Variants in DNAJC7 observed in about 807,000 individuals in gnomAD.
DNAJC7 encodes the protein dnaJ homolog subfamily C member 7.
In DNAJC7, 18 loss-of-function variants were observed where a neutral mutation model predicts 67.4. That is an observed-to-expected ratio of 0.27 (90% CI 0.18 to 0.40). The LOEUF is 0.40. Among genes scored for constraint, DNAJC7 ranks in the 10% least tolerant of loss-of-function variants. The pLI is 1.00. For missense variants in DNAJC7, 419 were observed against 613.8 expected (o/e 0.68, Z 3.35); for synonymous variants, 220 against 207.8 (o/e 1.06, Z -0.50).
intron 1 of DNAJC7, among the ~76,000 whole-genome samples, chr17:42,004,172 C>A: frequency 6.6e-6 from 1 of 151,994 alleles, no homozygotes; most frequent in Non-Finnish European, 1.5e-5. Flanking sequence ...CCAGACTGGT[C>A]TCAAACTCCT....
chr17:41,981,377 G>A (rs2051246437), intron 12 of DNAJC7, among the ~76,000 whole-genome samples: 1 of 152,096 alleles, frequency 6.6e-6, no homozygotes, highest in Admixed American at 6.6e-5. Context: ...CTGTATTTTA[G>A]TAGAGACGAG....
chr17:41,999,042 T>TA (rs549481253), intron 2 of DNAJC7, among the ~76,000 whole-genome samples: 272 of 148,030 alleles, frequency 1.8e-3, no homozygotes, highest in Middle Eastern at 0.014. Flanking sequence ...TTTAAAGAGT[T>TA]AAAAAAAAAG....
chr17:42,011,718 GA>G (rs2052122741), intron 1 of DNAJC7: 1 of 152,190 alleles, frequency 6.6e-6, no homozygotes, highest in African/African-American at 2.4e-5. Context: ...GAGGCTTACT[GA>G]AATGTCTAGG....
At chr17:42,016,262 T>G (rs2052282814) in intron 1 of DNAJC7, 2 of 152,154 alleles carry the variant, frequency 1.3e-5, no homozygotes, top group South Asian at 4.1e-4. Flanking sequence ...CATTAGATAG[T>G]AAAAATCTCA....
chr17:41,989,582 T>G, intron 6 of DNAJC7, 25 bp from the exon 7 acceptor site: 1 of 1,612,056 alleles, frequency 6.2e-7, no homozygotes, highest in East Asian at 2.2e-5. Context: ...AAAGGGCACA[T>G]TGAGCTGTGC....
chr17:41,981,204 T>C (rs1056453484), intron 12 of DNAJC7, among the ~76,000 whole-genome samples: 5 of 152,030 alleles, frequency 3.3e-5, no homozygotes, highest in Non-Finnish European at 7.4e-5. Context: ...TTCTTATTAT[T>C]TTTTTTAATT....
chr17:41,988,655 T>C (rs1425721065), intron 8 of DNAJC7, 77 bp downstream of exon 8: 2 of 1,471,120 alleles, frequency 1.4e-6, no homozygotes, highest in Non-Finnish European at 1.8e-6. Context: ...TTACCCTCAC[T>C]AGGCAGATTT....
intron 2 of DNAJC7, among the ~76,000 whole-genome samples, chr17:41,997,704 A>G (rs2051699151): frequency 6.6e-6 from 1 of 152,178 alleles, no homozygotes; most frequent in East Asian, 1.9e-4. Context: ...TCATGGAGAC[A>G]GGGTCTCACT....
At position 41,990,248 on chromosome 17, in the gene DNAJC7, T is replaced by C. The variant is rs1555647519; in HGVS notation, c.599+16A>G. ...GGTATCTGGCATTTTAATGTCCAGC[T>C]AGCCTGACTGCATACCTAGCCACAG... On this transcript the variant is annotated intron_variant, in intron 6 of 13. Coordinates refer to ENST00000457167, the MANE Select transcript of DNAJC7 (RefSeq NM_003315.4). The C allele has an allele frequency of 2.5e-6, 4 of 1,592,894 alleles. No individual in the cohort carries two copies. In the East Asian group the frequency reaches 6.8e-5, roughly 27 times the overall value.
At chr17:42,000,701 T>A in intron 1 of DNAJC7, 131 bp from the exon 2 acceptor site, 1 of 637,074 alleles carries the variant, frequency 1.6e-6, no homozygotes, top group Non-Finnish European at 2.6e-6. Flanking sequence ...TTGAAGGATT[T>A]ATAGATTTGT....
chr17:41,977,754 A>T (rs2051131183), intron 12 of DNAJC7: 1 of 156,716 alleles, frequency 6.4e-6, no homozygotes, highest in Admixed American at 6.4e-5. Flanking sequence ...ACTGTATTTG[A>T]TTCCATGTCT....
At chr17:42,004,183 G>C (rs1159657528) in intron 1 of DNAJC7, among the ~76,000 whole-genome samples, 1 of 152,020 alleles carries the variant, frequency 6.6e-6, no homozygotes, top group Admixed American at 6.6e-5. Flanking sequence ...TCAAACTCCT[G>C]ACTGCAAATG....
chr17:42,016,506 C>A (rs1555651931), intron 1 of DNAJC7: 1 of 152,232 alleles, frequency 6.6e-6, no homozygotes, highest in African/African-American at 2.4e-5. Context: ...GTATGACTAC[C>A]CACAACTCTG....
At chr17:41,996,505 C>CA in intron 3 of DNAJC7, 81 bp from the exon 4 acceptor site, 1 of 1,306,074 alleles carries the variant, frequency 7.7e-7, no homozygotes, top group East Asian at 2.4e-5. Flanking sequence ...GACACCCACA[C>CA]AAAACCAACA....
At chr17:41,999,033 T>G (rs2051734964) in intron 2 of DNAJC7, among the ~76,000 whole-genome samples, 2 of 151,696 alleles carry the variant, frequency 1.3e-5, no homozygotes, top group South Asian at 4.2e-4. Context: ...TTTAAAAAAT[T>G]TAAAGAGTTA....
intron 1 of DNAJC7, among the ~76,000 whole-genome samples, chr17:42,005,365 T>C (rs2051920045): frequency 6.6e-6 from 1 of 152,226 alleles, no homozygotes; most frequent in Non-Finnish European, 1.5e-5. Flanking sequence ...AGATGCCCTA[T>C]AAAAATTTCC....
intron 6 of DNAJC7, among the ~76,000 whole-genome samples, chr17:41,989,986 A>G (rs1230784399): frequency 6.6e-6 from 1 of 152,270 alleles, no homozygotes; most frequent in Non-Finnish European, 1.5e-5. Flanking sequence ...TGTGCCAACC[A>G]GTGGAGTAGA....
intron 1 of DNAJC7, among the ~76,000 whole-genome samples, 198 bp from the exon 2 acceptor site, chr17:42,000,768 T>A (rs1304792552): frequency 5.3e-5 from 8 of 152,208 alleles, no homozygotes; most frequent in Admixed American, 5.2e-4. Context: ...GTTCTTCAGA[T>A]GCTCCTTTTT....
chr17:41,988,004 G>C (rs772906693), intron 8 of DNAJC7, 94 bp from the exon 9 acceptor site: 118 of 1,006,128 alleles, frequency 1.2e-4, no homozygotes, highest in Non-Finnish European at 1.5e-4. Context: ...AAGAGGATCA[G>C]TCATGCTGGC....
Sources: allele counts gnomAD v4.1 joint callset (sites outside exome capture counted in the v4.1 genomes callset), GRCh38; gene constraint gnomAD v4.1.1; transcripts MANE v1.5; gene names NCBI Gene and HGNC (gene_info 2026-07-23, HGNC 2026-07-21).